The following BABAM2 variants were observed in gnomAD, a reference collection of about 807,000 sequenced individuals.
BABAM2 encodes the protein BRISC and BRCA1 A complex member 2.
A neutral mutation model predicts 54.7 loss-of-function variants in BABAM2; 31 were observed. The ratio of observed to expected loss-of-function variants is 0.57; its 90% CI spans 0.43 to 0.77. The LOEUF (loss-of-function observed/expected upper bound fraction) is 0.77, where lower values mean the gene tolerates loss of function less well. Ranked by LOEUF, BABAM2 falls within the 30% of genes least tolerant of loss-of-function variation. The pLI is 0.00. For synonymous variants in BABAM2, 167 were observed against 162.9 expected (o/e 1.03, Z -0.19); for missense variants, 364 against 455.8 (o/e 0.80, Z 1.83).
intron 11 of BABAM2, among the ~76,000 whole-genome samples, chr2:28,333,812 GA>G (rs1691175882): frequency 6.6e-6 from 1 of 152,210 alleles, no homozygotes; most frequent in African/African-American, 2.4e-5. Flanking sequence ...CTATCCCCTA[GA>G]ACACGCTTAC....
chr2:27,930,074 G>T, intron 3 of BABAM2, 166 bp downstream of exon 3: 1 of 620,332 alleles, frequency 1.6e-6, no homozygotes, highest in Non-Finnish European at 2.7e-6. Context: ...TTGATTAAAA[G>T]TAAGGCAGTT....
intron 9 of BABAM2, among the ~76,000 whole-genome samples, chr2:28,244,536 T>C (rs1682745050): frequency 6.6e-6 from 1 of 152,192 alleles, no homozygotes; most frequent in Non-Finnish European, 1.5e-5. Flanking sequence ...AAACTGAGGC[T>C]GCAAAGGTTA....
intron 7 of BABAM2, among the ~76,000 whole-genome samples, chr2:28,184,038 G>A (rs1675962176): frequency 6.6e-6 from 1 of 152,030 alleles, no homozygotes; most frequent in Non-Finnish European, 1.5e-5. Flanking sequence ...TTGCATTTGG[G>A]CATAGGAGAT....
intron 6 of BABAM2, among the ~76,000 whole-genome samples, chr2:28,112,146 TTTACCTCCC>T (rs1668118511): frequency 2.8e-4 from 3 of 10,556 alleles, no homozygotes; most frequent in Non-Finnish European, 4.4e-4. Flanking sequence ...TCTTTCTTTC[TTTACCTCCC>T]TCCCTCCCTC....
intron 11 of BABAM2, among the ~76,000 whole-genome samples, chr2:28,334,372 C>T (rs1467799791): frequency 1.3e-5 from 2 of 152,244 alleles, no homozygotes; most frequent in Non-Finnish European, 2.9e-5. Flanking sequence ...CTGCCCAGCT[C>T]AGGCCAGCGT....
chr2:28,149,303 G>A (rs897275805), intron 7 of BABAM2, among the ~76,000 whole-genome samples: 61 of 152,116 alleles, frequency 4.0e-4, no homozygotes, highest in African/African-American at 1.4e-3. Flanking sequence ...TACTTCCTTG[G>A]AACCTTCACC....
intron 6 of BABAM2, 83 bp downstream of exon 6, chr2:28,045,882 G>A: frequency 1.8e-6 from 2 of 1,103,438 alleles, no homozygotes; most frequent in East Asian, 2.6e-5. Flanking sequence ...TGACTGGTTT[G>A]TCAGCATTTT....
chr2:28,182,167 G>A, intron 7 of BABAM2, among the ~76,000 whole-genome samples: 1 of 152,170 alleles, frequency 6.6e-6, no homozygotes, highest in East Asian at 1.9e-4. Context: ...TATACTCTGA[G>A]AGACTCACTG....
At chr2:28,046,692 G>A (rs1677603807) in intron 6 of BABAM2, among the ~76,000 whole-genome samples, 2 of 151,884 alleles carry the variant, frequency 1.3e-5, no homozygotes, top group Non-Finnish European at 2.9e-5. Context: ...AATAATATTA[G>A]ATATTAATTT....
At chr2:28,120,072 G>C (rs565684435) in intron 6 of BABAM2, among the ~76,000 whole-genome samples, 1 of 152,244 alleles carries the variant, frequency 6.6e-6, no homozygotes, top group South Asian at 2.1e-4. Context: ...AAAGATGTCA[G>C]GTGAATACAT....
intron 4 of BABAM2, among the ~76,000 whole-genome samples, chr2:28,003,596 A>G (rs1673731948): frequency 6.6e-6 from 1 of 152,178 alleles, no homozygotes; most frequent in African/African-American, 2.4e-5. Flanking sequence ...TCTCAAAAAC[A>G]ACAAACAAAC....
intron 4 of BABAM2, among the ~76,000 whole-genome samples, chr2:28,024,647 C>T (rs1024714420): frequency 6.6e-6 from 1 of 152,042 alleles, no homozygotes; most frequent in Admixed American, 6.5e-5. Flanking sequence ...GACGGATGAA[C>T]TGTGGTTATT....
At chr2:27,927,529 C>A (rs1179253995) in intron 2 of BABAM2, among the ~76,000 whole-genome samples, 2 of 152,146 alleles carry the variant, frequency 1.3e-5, no homozygotes, top group Admixed American at 1.3e-4. Flanking sequence ...TTAGATTGTA[C>A]TTCATAATGC....
At chr2:28,164,265 GTGTGTTTTTTGT>G (rs1389340329) in intron 7 of BABAM2, among the ~76,000 whole-genome samples, 1 of 152,184 alleles carries the variant, frequency 6.6e-6, no homozygotes, top group African/African-American at 2.4e-5. Context: ...CTTCCCTTCA[GTGTGTTTTTTGT>G]TGTGTCAAAC....
chr2:28,001,881 A>G (rs1165655782), intron 4 of BABAM2, among the ~76,000 whole-genome samples: 1 of 152,116 alleles, frequency 6.6e-6, no homozygotes, highest in Admixed American at 6.6e-5. Flanking sequence ...CCCCACCTCC[A>G]ACATTGGGAG....
intron 6 of BABAM2, among the ~76,000 whole-genome samples, chr2:28,071,694 A>T (rs1013810140): frequency 1.3e-5 from 2 of 152,226 alleles, no homozygotes; most frequent in African/African-American, 2.4e-5. Context: ...TACAGTTCAT[A>T]TAGGAAAGGC....
At chr2:28,136,029 G>A (rs949705323) in intron 7 of BABAM2, among the ~76,000 whole-genome samples, 8 of 152,132 alleles carry the variant, frequency 5.3e-5, no homozygotes, top group Admixed American at 6.5e-5. Context: ...TTCAGATTCC[G>A]TGTTACAGTC....
intron 11 of BABAM2, among the ~76,000 whole-genome samples, chr2:28,316,608 A>G (rs1210465941): frequency 6.6e-6 from 1 of 152,192 alleles, no homozygotes; most frequent in African/African-American, 2.4e-5. Context: ...AATTGGTAGA[A>G]TGAAGACAGC....
chr2:28,105,276 G>A (rs1573586897), intron 6 of BABAM2, among the ~76,000 whole-genome samples: 1 of 152,144 alleles, frequency 6.6e-6, no homozygotes, highest in Admixed American at 6.5e-5. Flanking sequence ...GAAAAAGGTA[G>A]ATTAAATAAT....
Sources: allele counts gnomAD v4.1 joint callset (sites outside exome capture counted in the v4.1 genomes callset), GRCh38; gene constraint gnomAD v4.1.1; transcripts MANE v1.5; gene names NCBI Gene and HGNC (gene_info 2026-07-23, HGNC 2026-07-21).